TSBP1: variants seen among roughly 807,000 people sequenced by gnomAD.
TSBP1 encodes the protein testis expressed basic protein 1.
Under a neutral mutation model 68.8 loss-of-function variants are expected in TSBP1, and 56 were observed. That is an observed-to-expected ratio of 0.81 (90% CI 0.66 to 1.02). The LOEUF is 1.02. Among genes scored for constraint, TSBP1 ranks in the 50% least tolerant of loss-of-function variants. The pLI, the probability that TSBP1 is intolerant of heterozygous loss-of-function variation, is 0.00. For synonymous variants in TSBP1, 171 were observed against 208.7 expected, an observed-to-expected ratio of 0.82 and a Z score of 1.56; for missense variants, 502 against 641.2, an observed-to-expected ratio of 0.78 and a Z score of 2.34.
chr6:32,293,452 T>A, exon 23 of TSBP1: 1 of 1,611,994 alleles, frequency 6.2e-7, no homozygotes, highest in African/African-American at 1.3e-5. Flanking sequence ...CTTCCTGTCC[T>A]TTCAGTACAA....
chr6:32,310,471 T>C (rs1182642208), intron 19 of TSBP1, among the ~76,000 whole-genome samples: 11 of 151,918 alleles, frequency 7.2e-5, no homozygotes, highest in Admixed American at 7.2e-4. Flanking sequence ...TTTTTCATAT[T>C]TTCAATATCT....
At chr6:32,356,306 T>G (rs1432250581) in intron 6 of TSBP1, among the ~76,000 whole-genome samples, 1 of 152,064 alleles carries the variant, frequency 6.6e-6, no homozygotes, top group Non-Finnish European at 1.5e-5. Context: ...ACAATAGTAT[T>G]TTTTTTTCAG....
chr6:32,369,876 T>C, intron 2 of TSBP1, 21 bp downstream of exon 2: 6 of 1,461,784 alleles, frequency 4.1e-6, no homozygotes, highest in Non-Finnish European at 5.8e-6. Context: ...GAAATCTTCA[T>C]TTTGACTCAT....
At chr6:32,323,441 G>A (rs1204688060) in intron 17 of TSBP1, 150 bp downstream of exon 18, 1 of 755,152 alleles carries the variant, frequency 1.3e-6, no homozygotes, top group East Asian at 2.7e-5. Context: ...GGGAGAAGCT[G>A]GATGAGCAGA....
chr6:32,324,571 A>G, intron 16 of TSBP1: 1 of 1,522,996 alleles, frequency 6.6e-7, no homozygotes, highest in Non-Finnish European at 8.9e-7. Context: ...AGCCCTTTGT[A>G]TCCCAATATG....
chr6:32,360,382 TTGTG>T (rs9279600), intron 6 of TSBP1, among the ~76,000 whole-genome samples: 35 of 150,824 alleles, frequency 2.3e-4, no homozygotes, highest in Non-Finnish European at 3.1e-4. Context: ...TAATATTTCA[TTGTG>T]TGTGTGTGTG....
chr6:32,366,218 T>C, intron 5 of TSBP1, 31 bp from the exon 6 acceptor site: 3 of 1,594,396 alleles, frequency 1.9e-6, no homozygotes, highest in Non-Finnish European at 2.6e-6. Flanking sequence ...TATAAGATTC[T>C]TAATTTCTCA....
rs773829841 is a variant in TSBP1 at position 32,295,351 on chromosome 6, A to ACACACACACACAC, written c.638-1317_638-1316insGTGTGTGTGTGTG. 5.5e-3 allele frequency among the ~76,000 whole-genome samples: 508 copies of ACACACACACACAC among 92,164 alleles called. 9 individuals carry two copies. Among genetic ancestry groups the ACACACACACACAC allele is most frequent in the East Asian group, 0.019 (40 of 2,120 alleles). The allele number at this position is 92,164 out of a possible 152,430, so 60.5% of individuals were successfully genotyped here. A position where few individuals can be genotyped will look rare whatever the true frequency, so the allele number is the denominator to read the frequency against. ...ACTCCATCTCACACACACACACACA[A>ACACACACACACAC]AAAAAAAAAAAAAAAAAAAGAAGAC... On this transcript the variant is annotated intron_variant, in intron 22 of 22. Transcript: ENST00000612031.
rs568179382 is a variant in TSBP1 at position 32,337,064 on chromosome 6, A to C, written c.410-429T>G. Among the ~76,000 whole-genome samples the C allele has an allele frequency of 3.3e-5, 5 of 152,324 alleles. No individual in the cohort carries two copies. The South Asian group carries it at 8.3e-4, about 25-fold the overall frequency. ...ATGTGGAGAGGACCCTATATCCTAC[A>C]GAAGGCCAAAGAACATTAGAGGAAA... On this transcript the variant is annotated intron_variant, in intron 11 of 22. Transcript: ENST00000612031. This position sits in a 1 kb window ranked among gnomAD's most constrained non-coding sequence, Gnocchi z 5.5.
intron 22 of TSBP1, among the ~76,000 whole-genome samples, chr6:32,294,763 A>G (rs978482416): frequency 1.3e-5 from 2 of 152,198 alleles, no homozygotes; most frequent in Non-Finnish European, 2.9e-5. Flanking sequence ...AAACTCTGCA[A>G]AAATTTCAGG....
Position 32,337,350 on chromosome 6 carries a change from T to A in TSBP1, c.410-715A>T, listed in dbSNP as rs772959110. Reference sequence around the variant, plus strand: ...GAGACGCACATTTGGTCAGGCAGCGTTCCTTCCCCTTTCCCCACGGGTGTC... The same window carrying A: ...GAGACGCACATTTGGTCAGGCAGCGATCCTTCCCCTTTCCCCACGGGTGTC... On this transcript the variant is annotated intron_variant, in intron 11 of 22. Coordinates refer to ENST00000612031, the Ensembl canonical transcript of TSBP1. The surrounding 1 kb of genome is among the most constrained non-coding windows in gnomAD (Gnocchi z 5.5). Among the ~76,000 whole-genome samples the A allele has an allele frequency of 5.3e-5, 8 of 152,144 alleles. No individual in the cohort carries two copies. Among genetic ancestry groups the A allele is most frequent in the Non-Finnish European group, 1.2e-4 (8 of 68,028 alleles).
intron 10 of TSBP1, 108 bp from the exon 12 acceptor site, chr6:32,339,107 G>A: frequency 1.1e-6 from 1 of 917,230 alleles, no homozygotes; most frequent in Non-Finnish European, 1.8e-6. Flanking sequence ...TACATGGAAA[G>A]GCAGCAAGAA....
In TSBP1 at chr6:32,365,902, T is replaced by C; in HGVS notation, c.217+265A>G. 1 of 562,234 alleles carries C rather than the reference T, an allele frequency of 1.8e-6. No homozygotes were observed. Among genetic ancestry groups the C allele is most frequent in the Admixed American group, 2.2e-5 (1 of 45,184 alleles). The allele number at this position is 562,234 out of a possible 1,614,324, so 34.8% of individuals were successfully genotyped here. ...CTTCTGTGTGGGAAGAAAGCTCCTA[T>C]TCTACTATTTTGCTGATGCCTTTCT... On this transcript the variant is annotated intron_variant, in intron 6 of 22. Transcript: ENST00000612031. The surrounding 1 kb of genome is among the most constrained non-coding windows in gnomAD (Gnocchi z 4.3).
In TSBP1 at chr6:32,368,781, C is replaced by T; in HGVS notation, c.133+1G>A. The stretch of plus-strand genomic sequence containing the variant: ...TTTTTCTCATGAGTATAAGTACTTA[C>T]TTTGTTCTGAACTGTATCTGGAGAT... On this transcript the variant is annotated splice_donor_variant, in intron 3 of 22. Coordinates refer to ENST00000612031, the Ensembl canonical transcript of TSBP1. LOFTEE classifies it high-confidence loss of function. The T allele has an allele frequency of 6.3e-7, 1 of 1,581,072 alleles. No homozygotes were observed. Among genetic ancestry groups the T allele is most frequent in the Non-Finnish European group, 8.6e-7 (1 of 1,157,766 alleles).
At chr6:32,323,766 G>A in intron 16 of TSBP1, 152 bp from the exon 18 acceptor site, 6 of 657,668 alleles carry the variant, frequency 9.1e-6, no homozygotes, top group East Asian at 5.5e-5. Flanking sequence ...AGCAGAATGC[G>A]AACTTTCAAA....
At position 32,365,573 on chromosome 6, in the gene TSBP1, G is replaced by A. The variant is rs781076919; in HGVS notation, c.217+594C>T. 6 of 456,354 alleles carry A rather than the reference G, an allele frequency of 1.3e-5. No individual in the cohort carries two copies. The allele number at this position is 456,354 out of a possible 1,614,324, so 28.3% of individuals were successfully genotyped here. ...TATGCTGATCATCTCAATGTTCTGG[G>A]TGGAGTGAGAAATAAGTGGGCTTAT... On this transcript the variant is annotated intron_variant, in intron 6 of 22. Coordinates refer to ENST00000612031, the Ensembl canonical transcript of TSBP1. The surrounding 1 kb of genome is among the most constrained non-coding windows in gnomAD (Gnocchi z 4.3).
intron 19 of TSBP1, among the ~76,000 whole-genome samples, chr6:32,305,873 CTTTTT>C (rs1346854278): frequency 1.3e-5 from 2 of 152,148 alleles, no homozygotes; most frequent in African/African-American, 2.4e-5. Flanking sequence ...TTTTTCTTTT[CTTTTT>C]TAAGTTGCAG....
chr6:32,322,402 G>T, intron 18 of TSBP1, 84 bp downstream of exon 20: 1 of 984,026 alleles, frequency 1.0e-6, no homozygotes, highest in East Asian at 2.4e-5. Context: ...AAATGAATAT[G>T]AGAAATATGA....
At chr6:32,346,397 T>C (rs1443665997) in intron 9 of TSBP1, among the ~76,000 whole-genome samples, 2 of 122,266 alleles carry the variant, frequency 1.6e-5, no homozygotes, top group Non-Finnish European at 3.4e-5. Context: ...CTTTTTATAA[T>C]TCCTAATCGG....
Sources: gnomAD v4.1 joint callset for allele counts (sites outside exome capture counted in the v4.1 genomes callset) on GRCh38, gnomAD v4.1.1 for gene constraint, Gnocchi (gnomAD v3.1) non-coding constraint, MANE v1.5 for transcripts, NCBI Gene and HGNC (gene_info 2026-07-23, HGNC 2026-07-21) for gene names.